The following SLC6A5 variants were observed in gnomAD, a reference collection of about 807,000 sequenced individuals.
SLC6A5 encodes the protein solute carrier family 6 member 5.
A neutral mutation model predicts 90.5 loss-of-function variants in SLC6A5; 58 were observed. The ratio of observed to expected loss-of-function variants is 0.64; its 90% CI spans 0.52 to 0.80. The LOEUF is 0.80. Among genes scored for constraint, SLC6A5 ranks in the 30% least tolerant of loss-of-function variants. The probability of loss-of-function intolerance (pLI) is 0.00; values close to 1 mark genes in which losing one functional copy is unlikely to be tolerated. For synonymous variants in SLC6A5, 427 were observed against 401.4 expected (o/e 1.06, Z -0.76); for missense variants, 1,015 against 1,017.6 (o/e 1.00, Z 0.03).
chr11:20,626,648 C>T (rs934365728), intron 7 of SLC6A5, 60 bp from the exon 8 acceptor site: 3 of 1,592,642 alleles, frequency 1.9e-6, no homozygotes, highest in Non-Finnish European at 2.6e-6. Flanking sequence ...AATGCTCCTT[C>T]TGCACAGGTG....
Position 20,601,272 on chromosome 11 carries a change from A to C in SLC6A5, c.147A>C (p.Pro49=). The change falls in exon 2 of 16, where the codon CCA becomes CCC. Residue 49 remains proline, a synonymous_variant. Transcript: ENST00000525748. The part of the protein sequence containing the change: ...ELPAAAAPPP[P]RVPRSASTGA... The stretch of plus-strand genomic sequence containing the variant: ...CCGCGGCTGCCGCCCCGCCGCCGCC[A>C]CGTGTGCCCAGGTCCGCTTCCACCG... The C allele has an allele frequency of 1.9e-6, 3 of 1,584,946 alleles. No homozygotes were observed. Among genetic ancestry groups the C allele is most frequent in the African/African-American group, 1.3e-5 (1 of 74,620 alleles).
chr11:20,620,271 T>C (rs1852865326), intron 7 of SLC6A5, among the ~76,000 whole-genome samples: 1 of 152,202 alleles, frequency 6.6e-6, no homozygotes, highest in Admixed American at 6.5e-5. Context: ...TGAGGAAGGA[T>C]GGCCTGTGGC....
chr11:20,606,203 T>C (rs1313368890), intron 3 of SLC6A5, among the ~76,000 whole-genome samples: 2 of 152,246 alleles, frequency 1.3e-5, no homozygotes, highest in African/African-American at 4.8e-5. Context: ...TCAGTGACTC[T>C]ATGGAGGCCT....
intron 13 of SLC6A5, 59 bp downstream of exon 13, chr11:20,638,617 T>C (rs1853255983): frequency 4.0e-6 from 4 of 990,974 alleles, no homozygotes; most frequent in Non-Finnish European, 6.5e-6. Flanking sequence ...AAGGCATTCA[T>C]GGCAAGCAGA....
At chr11:20,641,520 A>G (rs1853313918) in intron 13 of SLC6A5, among the ~76,000 whole-genome samples, 1 of 152,098 alleles carries the variant, frequency 6.6e-6, no homozygotes, top group African/African-American at 2.4e-5. Flanking sequence ...AAAACAACAA[A>G]AATAAACTGT....
At chr11:20,651,212 C>T (rs1853524654) in intron 14 of SLC6A5, among the ~76,000 whole-genome samples, 1 of 133,048 alleles carries the variant, frequency 7.5e-6, no homozygotes, top group Non-Finnish European at 1.6e-5. Context: ...CTCCCCTTCC[C>T]TTCCCTCCAC....
At chr11:20,640,441 G>GA (rs1347368731) in intron 13 of SLC6A5, among the ~76,000 whole-genome samples, 1 of 152,056 alleles carries the variant, frequency 6.6e-6, no homozygotes, top group East Asian at 1.9e-4. Context: ...AGTTCTGAAG[G>GA]AAAAAATAAA....
intron 5 of SLC6A5, among the ~76,000 whole-genome samples, chr11:20,612,092 T>C (rs887293744): frequency 9.8e-5 from 15 of 152,318 alleles, no homozygotes; most frequent in Admixed American, 2.0e-4. Flanking sequence ...AAAGAACTAC[T>C]GAAAGGGAAG....
intron 10 of SLC6A5, among the ~76,000 whole-genome samples, chr11:20,635,909 C>T (rs1471637919): frequency 6.6e-6 from 1 of 152,146 alleles, no homozygotes; most frequent in African/African-American, 2.4e-5. Flanking sequence ...CCAAATATCC[C>T]AAACATGGCA....
chr11:20,631,422 C>T (rs1853107703), intron 10 of SLC6A5, among the ~76,000 whole-genome samples: 1 of 152,170 alleles, frequency 6.6e-6, no homozygotes, highest in Admixed American at 6.5e-5. Context: ...ACTCTCTACC[C>T]AAATGATCTT....
intron 1 of SLC6A5, among the ~76,000 whole-genome samples, chr11:20,600,378 GAAGAAGAAGAAGAAGAAGA>G (rs1852441260): frequency 6.7e-6 from 1 of 149,734 alleles, no homozygotes; most frequent in Admixed American, 6.6e-5. Flanking sequence ...AGAAGAAGAA[GAAGAAGAAGAAGAAGAAGA>G]AGAAGAAGAA....
rs1221794881 is a variant in SLC6A5, at chr11:20,655,734, G to T, written c.*866G>T. 1 of 152,134 alleles carries T rather than the reference G, an allele frequency of 6.6e-6. No individual in the cohort carries two copies. The highest frequency in any genetic ancestry group is 6.5e-5 in the Admixed American group (1 of 15,270). 9.4% of individuals were successfully genotyped at this position (152,134 alleles called of 1,614,324 possible). A position where few individuals can be genotyped will look rare whatever the true frequency, so the allele number is the denominator to read the frequency against. ...ACGATCCTGTGTTTCTTCTCTAAAT[G>T]TCTTTCTATAAGCTGTAGACACCTT... On this transcript the variant is annotated 3_prime_UTR_variant, in exon 16 of 16. Transcript: ENST00000525748.
Position 20,636,425 on chromosome 11 carries a change from C to A in SLC6A5, c.1737+6C>A, listed in dbSNP as rs1274923414. The A allele has an allele frequency of 6.5e-7, 1 of 1,545,028 alleles. No individual in the cohort carries two copies. The highest frequency in any genetic ancestry group is 9.0e-7 in the Non-Finnish European group (1 of 1,116,906). Reference sequence around the variant, plus strand: ...CTCTTGGACTTGACACTATGGTGAGCCCCTTTTCCATCAGTCTCTATCCCA... The same window carrying A: ...CTCTTGGACTTGACACTATGGTGAGACCCTTTTCCATCAGTCTCTATCCCA... On this transcript the variant is annotated splice_donor_region_variant and intron_variant, in intron 11 of 15. Transcript: ENST00000525748.
At chr11:20,606,907 A>T in intron 3 of SLC6A5, 100 bp from the exon 4 acceptor site, 1 of 1,463,114 alleles carries the variant, frequency 6.8e-7, no homozygotes, top group Non-Finnish European at 9.5e-7. Flanking sequence ...ATTGTCCTTT[A>T]GTTCTTTGAG....
rs1051429628 is a variant in SLC6A5 at position 20,655,038 on chromosome 11, A to G, written c.*170A>G. ...AAGTAGGCATAGTGTCGCATGCTGC[A>G]GTAAAGAGCTACATAGACCACCTGA... is the stretch of plus-strand genomic sequence containing the variant. On this transcript the variant is annotated 3_prime_UTR_variant, in exon 16 of 16. Transcript: ENST00000525748. 1.3e-6 allele frequency: 1 copy of G among 758,236 alleles called. No homozygotes were observed. Among genetic ancestry groups the G allele is most frequent in the Non-Finnish European group, 2.3e-6 (1 of 434,380 alleles). 47.0% of individuals were successfully genotyped at this position (758,236 alleles called of 1,614,324 possible). A position where few individuals can be genotyped will look rare whatever the true frequency, so the allele number is the denominator to read the frequency against.
intron 14 of SLC6A5, among the ~76,000 whole-genome samples, chr11:20,650,571 T>C (rs2133822961): frequency 6.6e-6 from 1 of 150,784 alleles, no homozygotes; most frequent in African/African-American, 2.4e-5. Context: ...GACATAAAGG[T>C]CCCCTCAGCT....
At chr11:20,618,198 C>T (rs1852820852) in intron 7 of SLC6A5, among the ~76,000 whole-genome samples, 1 of 152,166 alleles carries the variant, frequency 6.6e-6, no homozygotes, top group Non-Finnish European at 1.5e-5. Context: ...AAGGAACCTC[C>T]CTGATATCAT....
intron 6 of SLC6A5, among the ~76,000 whole-genome samples, chr11:20,615,494 A>G (rs1337951549): frequency 6.6e-6 from 1 of 151,944 alleles, no homozygotes; most frequent in Non-Finnish European, 1.5e-5. Flanking sequence ...CAGCCTCCCG[A>G]GGAGCTGGGA....
chr11:20,603,567 G>T (rs1852518506), intron 2 of SLC6A5, among the ~76,000 whole-genome samples: 1 of 152,218 alleles, frequency 6.6e-6, no homozygotes, highest in African/African-American at 2.4e-5. Context: ...CAAGGTCGTA[G>T]ATGGCTTGTC....
Sources: gnomAD v4.1 joint callset for allele counts (sites outside exome capture counted in the v4.1 genomes callset) on GRCh38, gnomAD v4.1.1 for gene constraint, MANE v1.5 for transcripts, NCBI Gene and HGNC (gene_info 2026-07-23, HGNC 2026-07-21) for gene names.